Variants in ALOX5AP observed in about 807,000 individuals in gnomAD.
The protein encoded by ALOX5AP is arachidonate 5-lipoxygenase activating protein, also known as arachidonate 5-lipoxygenase-activating protein.
ALOX5AP carries 9 observed loss-of-function variants against 18.5 expected under a neutral mutation model. The observed-to-expected ratio is 0.49, with a 90% confidence interval of 0.29 to 0.85. ALOX5AP has a LOEUF of 0.85. Among genes scored for constraint, ALOX5AP ranks in the 40% least tolerant of loss-of-function variants. The probability of loss-of-function intolerance (pLI) is 0.08; values close to 1 mark genes in which losing one functional copy is unlikely to be tolerated. For synonymous variants in ALOX5AP, 81 were observed against 78.6 expected (o/e 1.03, Z -0.16); for missense variants, 172 against 202.5 (o/e 0.85, Z 0.91).
At chr13:30,722,489 T>G (rs1951601937) in intron 1 of ALOX5AP, among the ~76,000 whole-genome samples, 1 of 152,212 alleles carries the variant, frequency 6.6e-6, no homozygotes, top group African/African-American at 2.4e-5. Context: ...TATTGCTTGG[T>G]ACCAAGCCAA....
intron 2 of ALOX5AP, among the ~76,000 whole-genome samples, chr13:30,749,350 G>A (rs1453737283): frequency 1.3e-5 from 2 of 152,046 alleles, no homozygotes; most frequent in Non-Finnish European, 2.9e-5. Context: ...AGGAAGCAGG[G>A]GAAATCTTTG....
rs200113122 is a variant in ALOX5AP at position 30,744,164 on chromosome 13, G to C, written c.170+5G>C. The C allele has an allele frequency of 2.0e-5, 32 of 1,613,336 alleles. 1 individual carries two copies. Among genetic ancestry groups the C allele is most frequent in the Non-Finnish European group, 9.3e-6 (11 of 1,179,510 alleles). On this transcript the variant is annotated splice_donor_5th_base_variant and intron_variant, in intron 2 of 4. Coordinates refer to ENST00000380490, the MANE Select transcript of ALOX5AP (RefSeq NM_001629.4). ...TGAGCGGGTCTACACTGCCAAGTGA[G>C]TCCTAACCCTGATGTTGCTAATAAG...
At chr13:30,729,621 G>A (rs1431110830) in intron 1 of ALOX5AP, among the ~76,000 whole-genome samples, 1 of 146,628 alleles carries the variant, frequency 6.8e-6, no homozygotes, top group Non-Finnish European at 1.5e-5. Context: ...CTGTCACCCA[G>A]GCTGGAGTGC....
At chr13:30,755,305 C>T (rs891580902) in intron 3 of ALOX5AP, among the ~76,000 whole-genome samples, 2 of 152,194 alleles carry the variant, frequency 1.3e-5, no homozygotes, top group African/African-American at 4.8e-5. Context: ...TGTGGGGAGG[C>T]TCAGGGGTGA....
At chr13:30,756,597 T>G (rs1387908386) in intron 4 of ALOX5AP, among the ~76,000 whole-genome samples, 2 of 151,938 alleles carry the variant, frequency 1.3e-5, no homozygotes, top group African/African-American at 4.8e-5. Flanking sequence ...TCACCTGAGG[T>G]CAGGAGTTTG....
At chr13:30,740,834 G>T (rs989404594) in intron 1 of ALOX5AP, among the ~76,000 whole-genome samples, 1 of 152,166 alleles carries the variant, frequency 6.6e-6, no homozygotes, top group Non-Finnish European at 1.5e-5. Flanking sequence ...ACAGGGTCAA[G>T]ATCACAGTTA....
At chr13:30,728,370 A>G (rs890446869) in intron 1 of ALOX5AP, among the ~76,000 whole-genome samples, 2 of 152,240 alleles carry the variant, frequency 1.3e-5, no homozygotes, top group Non-Finnish European at 2.9e-5. Flanking sequence ...TGGCAACTCC[A>G]GAAAACAAAA....
chr13:30,735,626 C>A lies in ALOX5AP; in HGVS notation c.21C>A (p.Gly7=). The change falls in exon 1 of 5, where the codon GGC becomes GGA. Residue 7 remains glycine, a synonymous_variant. Coordinates refer to ENST00000380490, the MANE Select transcript of ALOX5AP (RefSeq NM_001629.4). MDQETV[G]NVVLLAIVTL... ...CAAACATGGATCAAGAAACTGTAGG[C>A]AATGTTGTCCTGTTGGCCATCGTCA... 1 of 1,614,112 alleles carries A rather than the reference C, an allele frequency of 6.2e-7. No homozygotes were observed. The highest frequency in any genetic ancestry group is 1.3e-5 in the African/African-American group (1 of 75,016).
intron 1 of ALOX5AP, among the ~76,000 whole-genome samples, chr13:30,729,441 G>A (rs1951663664): frequency 6.6e-6 from 1 of 152,134 alleles, no homozygotes; most frequent in Non-Finnish European, 1.5e-5. Context: ...GCATATATGG[G>A]CATCATGAAT....
intron 4 of ALOX5AP, 51 bp downstream of exon 4, chr13:30,756,076 G>A (rs750462335): frequency 1.3e-6 from 2 of 1,541,140 alleles, no homozygotes; most frequent in Non-Finnish European, 9.0e-7. Context: ...TGATTTTTGA[G>A]CAGGAAGAGT....
At chr13:30,718,394 T>C (rs1849694583) in intron 1 of ALOX5AP, among the ~76,000 whole-genome samples, 1 of 149,014 alleles carries the variant, frequency 6.7e-6, no homozygotes, top group South Asian at 2.1e-4. Flanking sequence ...TATATATATA[T>C]ATATATATAT....
intron 1 of ALOX5AP, among the ~76,000 whole-genome samples, chr13:30,718,763 C>T (rs1421523403): frequency 6.6e-6 from 1 of 152,214 alleles, no homozygotes; most frequent in African/African-American, 2.4e-5. Context: ...CCCAATGCAG[C>T]TCCCAGGCCT....
At chr13:30,759,617 A>C (rs941533067) in intron 4 of ALOX5AP, among the ~76,000 whole-genome samples, 1 of 152,200 alleles carries the variant, frequency 6.6e-6, no homozygotes, top group African/African-American at 2.4e-5. Flanking sequence ...GTTCTCAAAA[A>C]GCAAGAAGAC....
intron 1 of ALOX5AP, among the ~76,000 whole-genome samples, chr13:30,743,737 C>T (rs1350983671): frequency 6.6e-6 from 1 of 152,074 alleles, no homozygotes; most frequent in Non-Finnish European, 1.5e-5. Context: ...ACCCTGAAAG[C>T]ACCATGTACT....
chr13:30,730,935 C>T (rs540450965), upstream of ALOX5AP, among the ~76,000 whole-genome samples: 61 of 152,256 alleles, frequency 4.0e-4, no homozygotes, highest in African/African-American at 1.4e-3. Flanking sequence ...ATTATTCTTG[C>T]CTACTCCCAG....
At chr13:30,718,223 T>G (rs1951565071) in intron 1 of ALOX5AP, among the ~76,000 whole-genome samples, 1 of 151,848 alleles carries the variant, frequency 6.6e-6, no homozygotes, top group Non-Finnish European at 1.5e-5. Flanking sequence ...CCTCCCAAAG[T>G]GCTGGGATCA....
At chr13:30,731,506 G>A (rs1350160280), upstream of ALOX5AP, among the ~76,000 whole-genome samples, 2 of 151,966 alleles carry the variant, frequency 1.3e-5, no homozygotes, top group East Asian at 3.9e-4. Context: ...CCGAGTAGCT[G>A]GGACTACAGG....
intron 1 of ALOX5AP, among the ~76,000 whole-genome samples, chr13:30,719,896 T>C (rs1206925512): frequency 2.6e-5 from 4 of 151,924 alleles, no homozygotes; most frequent in Non-Finnish European, 4.4e-5. Flanking sequence ...GGAGTCTTGC[T>C]CTGTCACTAG....
At chr13:30,718,702 C>T (rs916717395) in intron 1 of ALOX5AP, among the ~76,000 whole-genome samples, 3 of 152,198 alleles carry the variant, frequency 2.0e-5, no homozygotes, top group Non-Finnish European at 4.4e-5. Context: ...ATGGGGTTTA[C>T]ACTGGAAGCT....
Sources: allele counts gnomAD v4.1 joint callset (sites outside exome capture counted in the v4.1 genomes callset), GRCh38; gene constraint gnomAD v4.1.1; transcripts MANE v1.5; gene names NCBI Gene and HGNC (gene_info 2026-07-23, HGNC 2026-07-21).